EPHA6: variants seen among roughly 807,000 people sequenced by gnomAD.
EPHA6 encodes EPH receptor A6.
A neutral mutation model predicts 112.0 loss-of-function variants in EPHA6; 50 were observed. The ratio of observed to expected loss-of-function variants is 0.45; its 90% CI spans 0.36 to 0.56. The LOEUF (loss-of-function observed/expected upper bound fraction) is 0.56. EPHA6 is among the 20% of genes least tolerant of loss of function. EPHA6 has a pLI of 0.00. For synonymous variants in EPHA6, 529 were observed against 490.7 expected (o/e 1.08, Z -1.03); for missense variants, 1,280 against 1,417.4 (o/e 0.90, Z 1.56).
intron 13 of EPHA6, among the ~76,000 whole-genome samples, chr3:97,630,600 T>TA (rs2093894599): frequency 6.6e-6 from 1 of 152,040 alleles, no homozygotes; most frequent in Non-Finnish European, 1.5e-5. Context: ...GTTCAGAACT[T>TA]AAAATGCATT....
At chr3:97,626,435 G>A (rs1042694595) in intron 13 of EPHA6, among the ~76,000 whole-genome samples, 2 of 151,778 alleles carry the variant, frequency 1.3e-5, no homozygotes, top group South Asian at 4.1e-4. Context: ...GAAGATAATA[G>A]AAACTATGGT....
rs6780172 is a variant in EPHA6, at chr3:97,696,463, C to T, written c.2785-23798C>T. Reference sequence around the variant, plus strand: ...TGTACCTTTTAGTGCTTATGACTTACGTTTACCTCATTAATCTCTGTTTTC... The same window carrying T: ...TGTACCTTTTAGTGCTTATGACTTATGTTTACCTCATTAATCTCTGTTTTC... On this transcript the variant is annotated intron_variant, in intron 14 of 17. Coordinates refer to ENST00000389672, the MANE Select transcript of EPHA6 (RefSeq NM_001080448.3). Among the ~76,000 whole-genome samples the T allele has an allele frequency of 5.6e-3, 851 of 152,264 alleles. 11 individuals are homozygous for T. Among genetic ancestry groups the T allele is most frequent in the African/African-American group, 0.018 (758 of 41,546 alleles).
At chr3:97,180,137 T>C (rs1417326300) in intron 3 of EPHA6, among the ~76,000 whole-genome samples, 1 of 152,012 alleles carries the variant, frequency 6.6e-6, no homozygotes, top group Non-Finnish European at 1.5e-5. Context: ...CCCTCCCCTT[T>C]TCAAAGGCAG....
At chr3:97,162,785 C>T (rs2076446249) in intron 3 of EPHA6, among the ~76,000 whole-genome samples, 1 of 152,056 alleles carries the variant, frequency 6.6e-6, no homozygotes, top group Admixed American at 6.6e-5. Context: ...GAGAGCATGA[C>T]TCTCTGTTTA....
In EPHA6 at chr3:96,821,251, A is replaced by G. The variant is rs538615853; in HGVS notation, c.385+6243A>G. Among the ~76,000 whole-genome samples, 271 of 152,094 alleles carry G rather than the reference A, an allele frequency of 1.8e-3. 1 individual carries two copies. The highest frequency in any genetic ancestry group is 3.4e-3 in the Middle Eastern group (1 of 294). ...ACATGAAAATAATTATTAAATGTAG[A>G]GAACATAAAAATTCTTAACACTCTT... On this transcript the variant is annotated intron_variant, in intron 1 of 17. Transcript: ENST00000389672.
At chr3:96,975,481 A>G (rs183409070) in intron 2 of EPHA6, among the ~76,000 whole-genome samples, 7 of 152,172 alleles carry the variant, frequency 4.6e-5, no homozygotes, top group African/African-American at 1.7e-4. Flanking sequence ...TGGATTCCTT[A>G]TTGTTATTAT....
At chr3:97,117,678 G>A in intron 3 of EPHA6, among the ~76,000 whole-genome samples, 1 of 151,586 alleles carries the variant, frequency 6.6e-6, no homozygotes, top group South Asian at 2.1e-4. Context: ...TGGTCTATAT[G>A]TCTGTTTTAA....
intron 3 of EPHA6, among the ~76,000 whole-genome samples, chr3:97,005,957 G>A (rs1313027642): frequency 2.6e-5 from 4 of 152,172 alleles, no homozygotes; most frequent in Non-Finnish European, 5.9e-5. Context: ...TTGCATCCCA[G>A]GGATGAAGCT....
chr3:96,915,725 A>C (rs1346710163), intron 2 of EPHA6, among the ~76,000 whole-genome samples: 1 of 152,230 alleles, frequency 6.6e-6, no homozygotes, highest in East Asian at 1.9e-4. Flanking sequence ...TAGCAATTGC[A>C]GCAGCAGTAG....
intron 13 of EPHA6, among the ~76,000 whole-genome samples, chr3:97,634,713 C>G (rs746581701): frequency 1.2e-4 from 19 of 152,048 alleles, no homozygotes; most frequent in Non-Finnish European, 2.6e-4. Flanking sequence ...GGGGCCCAGT[C>G]TTTCTTTCCT....
intron 1 of EPHA6, among the ~76,000 whole-genome samples, chr3:96,865,394 A>G (rs2036245666): frequency 6.6e-6 from 1 of 151,788 alleles, no homozygotes. Context: ...TAGATGAGAA[A>G]CCCCCAGCCA....
At chr3:96,965,932 ATACT>A (rs1306576949) in intron 2 of EPHA6, among the ~76,000 whole-genome samples, 2 of 152,036 alleles carry the variant, frequency 1.3e-5, no homozygotes, top group Admixed American at 6.6e-5. Flanking sequence ...AATTTATTTG[ATACT>A]TACTTCTCAT....
chr3:96,885,389 C>T (rs151156788), intron 2 of EPHA6, among the ~76,000 whole-genome samples: 105 of 152,122 alleles, frequency 6.9e-4, no homozygotes, highest in African/African-American at 2.5e-3. Context: ...TTTAAATTAC[C>T]ATTTCAATCT....
chr3:97,179,719 C>G (rs1179197218), intron 3 of EPHA6, among the ~76,000 whole-genome samples: 8 of 49,338 alleles, frequency 1.6e-4, no homozygotes, highest in South Asian at 1.7e-3. Flanking sequence ...CCTACAGAGT[C>G]TCTCTCTCTC....
At chr3:96,816,100 G>T (rs955897080) in intron 1 of EPHA6, among the ~76,000 whole-genome samples, 1 of 152,144 alleles carries the variant, frequency 6.6e-6, no homozygotes, top group Non-Finnish European at 1.5e-5. Flanking sequence ...TGTGTGAGGA[G>T]AAGGTTAAGG....
intron 2 of EPHA6, among the ~76,000 whole-genome samples, chr3:96,878,483 T>C (rs2037110770): frequency 6.6e-6 from 1 of 152,036 alleles, no homozygotes; most frequent in African/African-American, 2.4e-5. Context: ...GTAAGCAAAT[T>C]AACATTTTGA....
At chr3:97,049,358 G>A (rs754448283) in intron 3 of EPHA6, among the ~76,000 whole-genome samples, 8 of 152,178 alleles carry the variant, frequency 5.3e-5, no homozygotes, top group Admixed American at 1.3e-4. Flanking sequence ...AACAGTGAAC[G>A]TTATCCTGGC....
At chr3:96,890,750 C>G (rs1179709273) in intron 2 of EPHA6, among the ~76,000 whole-genome samples, 3 of 152,168 alleles carry the variant, frequency 2.0e-5, no homozygotes, top group Admixed American at 2.0e-4. Flanking sequence ...ATTGGTATAA[C>G]TACTTTGGGA....
intron 12 of EPHA6, among the ~76,000 whole-genome samples, chr3:97,596,534 C>A (rs1313058254): frequency 6.6e-6 from 1 of 151,770 alleles, no homozygotes; most frequent in Non-Finnish European, 1.5e-5. Context: ...CACTTCTCAG[C>A]AATAACTATC....
Sources: gnomAD v4.1 joint callset for allele counts (sites outside exome capture counted in the v4.1 genomes callset) on GRCh38, gnomAD v4.1.1 for gene constraint, MANE v1.5 for transcripts, NCBI Gene and HGNC (gene_info 2026-07-23, HGNC 2026-07-21) for gene names.